The following TRIM37 variants were observed in gnomAD, a reference collection of about 807,000 sequenced individuals.
TRIM37 encodes the protein tripartite motif containing 37.
In TRIM37, 80 loss-of-function variants were observed where a neutral mutation model predicts 129.8. The ratio of observed to expected loss-of-function variants is 0.62; its 90% CI spans 0.51 to 0.74. TRIM37 has a LOEUF of 0.74. Ranked by LOEUF, TRIM37 falls within the 30% of genes least tolerant of loss-of-function variation. The pLI, the probability that TRIM37 is intolerant of heterozygous loss-of-function variation, is 0.00. For missense variants in TRIM37, 1,054 were observed against 1,176.5 expected, an observed-to-expected ratio of 0.90 and a Z score of 1.52; for synonymous variants, 389 against 387.1, an observed-to-expected ratio of 1.00 and a Z score of -0.06.
chr17:59,008,919 T>C (rs752865750), intron 22 of TRIM37, among the ~76,000 whole-genome samples: 6 of 152,154 alleles, frequency 3.9e-5, no homozygotes, highest in African/African-American at 1.4e-4. Context: ...GTTCAAATTC[T>C]AGCTGGGACA....
chr17:59,091,590 T>TATTGTATATATAATGTATATATA (rs1274405293), intron 2 of TRIM37, among the ~76,000 whole-genome samples: 1 of 42,540 alleles, frequency 2.4e-5, no homozygotes, highest in African/African-American at 1.3e-4. Flanking sequence ...GTATAATATA[T>TATTGTATATATAATGTATATATA]TATACATTAT....
chr17:58,975,352 T>C, the TRIM37 span, among the ~76,000 whole-genome samples: 90 of 152,222 alleles, frequency 5.9e-4, no homozygotes, highest in African/African-American at 2.0e-3. Flanking sequence ...CCTTAATAAG[T>C]GACAATCTCA....
In TRIM37 at chr17:59,062,347, A is replaced by G. The variant is rs539533680; in HGVS notation, c.942+220T>C. On this transcript the variant is annotated intron_variant, in intron 11 of 23. Coordinates refer to ENST00000262294, the MANE Select transcript of TRIM37 (RefSeq NM_015294.6). ...TTCAACATATGAGAACTCAGGGAAC[A>G]TTGTTTCCAATAGGCCTTCCAGCAG... Among the ~76,000 whole-genome samples the G allele has an allele frequency of 2.0e-5, 3 of 152,308 alleles. No individual in the cohort carries two copies. The South Asian group carries it at 6.2e-4, about 32-fold the overall frequency.
At chr17:59,010,553 G>A (rs1021710172) in intron 22 of TRIM37, among the ~76,000 whole-genome samples, 3 of 152,116 alleles carry the variant, frequency 2.0e-5, no homozygotes, top group Non-Finnish European at 4.4e-5. Context: ...GAGTGCAGTG[G>A]CGTGATCTCA....
In TRIM37 at chr17:59,091,355, G is replaced by T; in HGVS notation, c.124-15C>A. 1.3e-6 allele frequency: 2 copies of T among 1,514,468 alleles called. No homozygotes were observed. Among genetic ancestry groups the T allele is most frequent in the Non-Finnish European group, 1.8e-6 (2 of 1,122,650 alleles). The allele number at this position is 1,514,468 out of a possible 1,614,324, so 93.8% of individuals were successfully genotyped here. A position where few individuals can be genotyped will look rare whatever the true frequency, so the allele number is the denominator to read the frequency against. ...GTCAGCCAGCGCTAAGGGGGCAAAA[G>T]ATTAGATATCGATTAGAAAACATCA... On this transcript the variant is annotated splice_polypyrimidine_tract_variant and intron_variant, in intron 2 of 23. Coordinates refer to ENST00000262294, the MANE Select transcript of TRIM37 (RefSeq NM_015294.6).
chr17:59,049,436 G>C (rs187153797), intron 14 of TRIM37, 43 bp from the exon 15 acceptor site: 1 of 1,535,094 alleles, frequency 6.5e-7, no homozygotes, highest in African/African-American at 1.4e-5. Flanking sequence ...ACAGCTCACT[G>C]GCACAGTAAA....
At chr17:59,089,815 G>T (rs925030456) in intron 3 of TRIM37, among the ~76,000 whole-genome samples, 1 of 152,106 alleles carries the variant, frequency 6.6e-6, no homozygotes, top group South Asian at 2.1e-4. Context: ...TGTAAGAAAG[G>T]TGGGACGAGG....
At chr17:59,036,731 T>C (rs965283390) in intron 17 of TRIM37, among the ~76,000 whole-genome samples, 8 of 152,152 alleles carry the variant, frequency 5.3e-5, no homozygotes, top group South Asian at 2.1e-4. Flanking sequence ...CTAGCTTTTA[T>C]ATAAGCCCAA....
chr17:58,991,305 G>C (rs1385439209), intron 24 of TRIM37, among the ~76,000 whole-genome samples: 2 of 151,828 alleles, frequency 1.3e-5, no homozygotes, highest in Non-Finnish European at 2.9e-5. Flanking sequence ...GGAGGCGAAG[G>C]TGGGTGGATC....
At chr17:59,080,839 T>C (rs2043195595) in intron 6 of TRIM37, among the ~76,000 whole-genome samples, 3 of 152,242 alleles carry the variant, frequency 2.0e-5, no homozygotes, top group Non-Finnish European at 4.4e-5. Context: ...ACAAACAGAC[T>C]TTTTAAATTC....
At position 59,070,534 on chromosome 17, in the gene TRIM37, T is replaced by C. The variant is rs1479807181; in HGVS notation, c.809+289A>G. Among the ~76,000 whole-genome samples the C allele has an allele frequency of 1.3e-5, 2 of 152,280 alleles. 1 individual carries two copies. Among genetic ancestry groups the C allele is most frequent in the East Asian group, 3.9e-4 (2 of 5,178 alleles). On this transcript the variant is annotated intron_variant, in intron 9 of 23. Transcript: ENST00000262294. ...TTTTCAGGAGAACTAGATTTGTATG[T>C]ATACAACAGAGCTTGCCAGACCACT...
intron 14 of TRIM37, among the ~76,000 whole-genome samples, chr17:59,050,820 ATAC>A (rs2040266659): frequency 6.6e-6 from 1 of 152,124 alleles, no homozygotes; most frequent in Non-Finnish European, 1.5e-5. Context: ...TCTACTAAAA[ATAC>A]AAAAAAATTA....
chr17:59,037,557 C>CAAAAAAAAAAA (rs58856834), intron 17 of TRIM37, among the ~76,000 whole-genome samples: 14 of 73,996 alleles, frequency 1.9e-4, no homozygotes, highest in African/African-American at 6.1e-4. Context: ...GACTCTGTCT[C>CAAAAAAAAAAA]AAAAAAAAAA....
At chr17:59,062,770 T>G in intron 10 of TRIM37, 122 bp from the exon 11 acceptor site, 5 of 783,638 alleles carry the variant, frequency 6.4e-6, no homozygotes, top group Non-Finnish European at 8.8e-6. Flanking sequence ...AATAACAAGG[T>G]GACTGAACAG....
chr17:59,024,295 TGTCA>T (rs1169687563), intron 19 of TRIM37, among the ~76,000 whole-genome samples: 5 of 151,906 alleles, frequency 3.3e-5, no homozygotes, highest in African/African-American at 1.2e-4. Context: ...TTGTCTTTTA[TGTCA>T]GTAACAATTA....
At chr17:59,056,351 T>A (rs2040867196) in intron 13 of TRIM37, among the ~76,000 whole-genome samples, 1 of 152,110 alleles carries the variant, frequency 6.6e-6, no homozygotes, top group Non-Finnish European at 1.5e-5. Flanking sequence ...TTATCTTTAA[T>A]GGAATTGCTA....
intron 19 of TRIM37, among the ~76,000 whole-genome samples, chr17:59,027,496 G>A (rs1194937650): frequency 6.6e-6 from 1 of 152,080 alleles, no homozygotes; most frequent in East Asian, 1.9e-4. Context: ...TAAGAAAGAT[G>A]GGAACCTCAG....
chr17:59,009,623 T>C (rs2035005899), intron 22 of TRIM37, among the ~76,000 whole-genome samples: 1 of 151,982 alleles, frequency 6.6e-6, no homozygotes, highest in African/African-American at 2.4e-5. Context: ...TTTTTGTATA[T>C]TTAGTAAAGA....
the TRIM37 span, among the ~76,000 whole-genome samples, chr17:58,970,502 T>C: frequency 6.6e-6 from 1 of 152,220 alleles, no homozygotes; most frequent in African/African-American, 2.4e-5. Flanking sequence ...TCCTGCCCTG[T>C]GACTTAAACA....
Sources: gnomAD v4.1 joint callset for allele counts (sites outside exome capture counted in the v4.1 genomes callset) on GRCh38, gnomAD v4.1.1 for gene constraint, MANE v1.5 for transcripts, NCBI Gene and HGNC (gene_info 2026-07-23, HGNC 2026-07-21) for gene names.